SLC4A10: variants seen among roughly 807,000 people sequenced by gnomAD.
The protein encoded by SLC4A10 is sodium-driven chloride bicarbonate exchanger.
SLC4A10 carries 42 observed loss-of-function variants against 137.7 expected under a neutral mutation model. That is an observed-to-expected ratio of 0.30 (90% CI 0.24 to 0.39). The LOEUF is 0.39. Ranked by LOEUF, SLC4A10 falls within the 10% of genes least tolerant of loss-of-function variation. The probability of loss-of-function intolerance (pLI) is 1.00; values close to 1 mark genes in which losing one functional copy is unlikely to be tolerated. For missense variants in SLC4A10, 925 were observed against 1,355.0 expected (o/e 0.68, Z 4.98); for synonymous variants, 474 against 464.1 (o/e 1.02, Z -0.27).
intron 5 of SLC4A10, among the ~76,000 whole-genome samples, chr2:161,859,594 C>CTTTTTTTTT (rs72003642): frequency 3.7e-3 from 173 of 47,244 alleles, no homozygotes; most frequent in Non-Finnish European, 3.9e-3. Flanking sequence ...CTTTTCTTTT[C>CTTTTTTTTT]TTTTTTTTTT....
At chr2:161,698,718 A>T (rs1333812342) in intron 1 of SLC4A10, among the ~76,000 whole-genome samples, 1 of 152,148 alleles carries the variant, frequency 6.6e-6, no homozygotes, top group African/African-American at 2.4e-5. Context: ...CCAGTATTTT[A>T]TTGAGGATTT....
chr2:161,888,789 C>A (rs1439118443), intron 10 of SLC4A10, among the ~76,000 whole-genome samples: 1 of 152,102 alleles, frequency 6.6e-6, no homozygotes, highest in African/African-American at 2.4e-5. Context: ...CTTCTCTTCC[C>A]TGGTTGTCCT....
intron 3 of SLC4A10, among the ~76,000 whole-genome samples, chr2:161,815,379 G>A (rs60050769): frequency 3.9e-5 from 6 of 151,940 alleles, no homozygotes; most frequent in Non-Finnish European, 7.4e-5. Flanking sequence ...TTGCTCGCTC[G>A]CTCTTCTGCC....
At chr2:161,918,635 C>A (rs1370417365) in intron 15 of SLC4A10, among the ~76,000 whole-genome samples, 2 of 152,112 alleles carry the variant, frequency 1.3e-5, no homozygotes, top group East Asian at 3.9e-4. Context: ...ACAAGGAGGG[C>A]AAAATACCTT....
intron 16 of SLC4A10, among the ~76,000 whole-genome samples, chr2:161,944,360 A>G (rs1693314486): frequency 6.6e-6 from 1 of 151,846 alleles, no homozygotes; most frequent in Admixed American, 6.6e-5. Flanking sequence ...AAGTTATATA[A>G]CATGATAATT....
At chr2:161,981,105 C>T (rs756201716) in intron 26 of SLC4A10, among the ~76,000 whole-genome samples, 2 of 152,186 alleles carry the variant, frequency 1.3e-5, no homozygotes, top group Non-Finnish European at 2.9e-5. Context: ...TGTAACCAAA[C>T]AACCAAAGCA....
At chr2:161,856,358 A>AACACACAC (rs55983659) in intron 5 of SLC4A10, among the ~76,000 whole-genome samples, 4,315 of 141,826 alleles carry the variant, frequency 0.03, 101 homozygotes, top group Admixed American at 0.057. Context: ...AAAATACTAA[A>AACACACAC]ACACACACAC....
intron 19 of SLC4A10, 25 bp from the exon 20 acceptor site, chr2:161,956,964 C>A: frequency 6.5e-7 from 1 of 1,539,928 alleles, no homozygotes; most frequent in Non-Finnish European, 8.7e-7. Flanking sequence ...CAGTTTCTTT[C>A]TCTCTTTCTT....
In SLC4A10 at chr2:161,950,836, G is replaced by A. The variant is rs763735115; in HGVS notation, c.2529G>A (p.Glu843=). The A allele has an allele frequency of 3.9e-5, 63 of 1,601,118 alleles. No homozygotes were observed. Among genetic ancestry groups the A allele is most frequent in the Non-Finnish European group, 5.3e-5 (62 of 1,173,382 alleles). The stretch of plus-strand genomic sequence containing the variant: ...CAGCTGTCATCATCAACAGGAAAGA[G>A]CATAAGCTAAAGGTATATTTTAACA... ...QITAVIINRK[E]HKLKKGCGYH... Residue 843 remains glutamate, a synonymous_variant, in exon 19 of 27, where the codon GAG becomes GAA. Coordinates refer to ENST00000446997, the MANE Select transcript of SLC4A10 (RefSeq NM_001178015.2).
chr2:161,661,249 C>A (rs1263338505), intron 1 of SLC4A10, among the ~76,000 whole-genome samples: 2 of 151,914 alleles, frequency 1.3e-5, no homozygotes, highest in African/African-American at 4.8e-5. Context: ...CTGAGGTGGG[C>A]GAATCACAAG....
intron 4 of SLC4A10, among the ~76,000 whole-genome samples, chr2:161,843,823 A>G (rs1359615213): frequency 2.0e-5 from 3 of 152,162 alleles, no homozygotes; most frequent in Non-Finnish European, 2.9e-5. Flanking sequence ...AAGATATTTT[A>G]TCAGCTCATT....
At chr2:161,874,662 A>G (rs1163588431) in intron 8 of SLC4A10, among the ~76,000 whole-genome samples, 1 of 152,160 alleles carries the variant, frequency 6.6e-6, no homozygotes, top group African/African-American at 2.4e-5. Flanking sequence ...ACTTAGTGTC[A>G]GCTGTTGTTC....
rs577014576 is a variant in SLC4A10 at position 161,628,249 on chromosome 2, C to T, written c.48+3683C>T. On this transcript the variant is annotated intron_variant, in intron 1 of 26. Coordinates refer to ENST00000446997, the MANE Select transcript of SLC4A10 (RefSeq NM_001178015.2). ...TATAACTTATATTTATATCTCATGA[C>T]GTTTAATCTTGGGTGATCTACAGTG... 1.5e-3 allele frequency among the ~76,000 whole-genome samples: 229 copies of T among 152,092 alleles called. 1 individual carries two copies. Among genetic ancestry groups the T allele is most frequent in the Non-Finnish European group, 1.9e-3 (130 of 67,948 alleles).
In SLC4A10 at chr2:161,821,709, G is replaced by T. The variant is rs550560459; in HGVS notation, c.277+17114G>T. On this transcript the variant is annotated intron_variant, in intron 3 of 26. Transcript: ENST00000446997. ...ATGAAATATGTAATACTATTTTAAG[G>T]TGTCTATTTTTAATAGACATGAAAA... 1.8e-4 allele frequency among the ~76,000 whole-genome samples: 28 copies of T among 152,172 alleles called. No individual in the cohort carries two copies. The South Asian group carries it at 5.6e-3, about 30-fold the overall frequency.
chr2:161,720,109 A>C (rs2045465676), intron 1 of SLC4A10, among the ~76,000 whole-genome samples: 2 of 152,224 alleles, frequency 1.3e-5, no homozygotes, highest in African/African-American at 4.8e-5. Flanking sequence ...AACTTTCTAC[A>C]TATGGCTAGC....
intron 1 of SLC4A10, among the ~76,000 whole-genome samples, chr2:161,660,163 G>GT (rs2038099236): frequency 6.6e-6 from 1 of 152,162 alleles, no homozygotes; most frequent in Non-Finnish European, 1.5e-5. Flanking sequence ...GGGTTGTATG[G>GT]TATATGAATT....
At chr2:161,871,461 A>C (rs1372678498) in intron 6 of SLC4A10, among the ~76,000 whole-genome samples, 1 of 152,034 alleles carries the variant, frequency 6.6e-6, no homozygotes, top group Non-Finnish European at 1.5e-5. Flanking sequence ...AACAAATTTC[A>C]TATGACTTAC....
chr2:161,650,386 C>T (rs1271909469), intron 1 of SLC4A10, among the ~76,000 whole-genome samples: 1 of 152,258 alleles, frequency 6.6e-6, no homozygotes, highest in Non-Finnish European at 1.5e-5. Flanking sequence ...GGAGAAGCTG[C>T]TGCAGGAACG....
Position 161,786,094 on chromosome 2 carries a change from G to T in SLC4A10, c.130+15040G>T, listed in dbSNP as rs193002567. ...TAATGGCATTTGCTTTATAAATCTG[G>T]GTGGTCAGGTATTGGGTATAAATAT... is the stretch of plus-strand genomic sequence containing the variant. On this transcript the variant is annotated intron_variant, in intron 2 of 26. Coordinates refer to ENST00000446997, the MANE Select transcript of SLC4A10 (RefSeq NM_001178015.2). 6.2e-4 allele frequency among the ~76,000 whole-genome samples: 94 copies of T among 151,584 alleles called. 2 individuals are homozygous for T. Among genetic ancestry groups the T allele is most frequent in the East Asian group, 5.2e-3 (27 of 5,150 alleles).
Sources: allele counts gnomAD v4.1 joint callset (sites outside exome capture counted in the v4.1 genomes callset), GRCh38; gene constraint gnomAD v4.1.1; transcripts MANE v1.5; gene names NCBI Gene and HGNC (gene_info 2026-07-23, HGNC 2026-07-21).